Variants in INSIG2 observed in about 807,000 individuals in gnomAD.
INSIG2 encodes insulin-induced gene 2 protein.
INSIG2 carries 10 observed loss-of-function variants against 27.2 expected under a neutral mutation model. That is an observed-to-expected ratio of 0.37 (90% CI 0.23 to 0.62). INSIG2 has a LOEUF of 0.62. INSIG2 is among the 20% of genes least tolerant of loss of function. The pLI is 0.65. For missense variants in INSIG2, 178 were observed against 270.2 expected (o/e 0.66, Z 2.39); for synonymous variants, 97 against 95.8 (o/e 1.01, Z -0.07).
intron 2 of INSIG2, among the ~76,000 whole-genome samples, chr2:118,100,660 G>A (rs1678523196): frequency 6.6e-6 from 1 of 152,118 alleles, no homozygotes; most frequent in Non-Finnish European, 1.5e-5. Context: ...TTACAGGTGT[G>A]AGCCACCACG....
At chr2:118,091,437 G>C (rs13393332) in intron 1 of INSIG2, among the ~76,000 whole-genome samples, 37,399 of 152,134 alleles carry the variant, frequency 0.25, 4,743 homozygotes, top group Middle Eastern at 0.28. Flanking sequence ...TGCTAATAGA[G>C]TGAGAGAATT....
chr2:118,107,611 G>C (rs78786262), intron 5 of INSIG2, among the ~76,000 whole-genome samples: 3 of 152,168 alleles, frequency 2.0e-5, no homozygotes, highest in African/African-American at 2.4e-5. Flanking sequence ...AAAGGAAAAG[G>C]CTAGGGAGTG....
chr2:118,105,892 C>G (rs558694745), intron 3 of INSIG2, among the ~76,000 whole-genome samples: 72 of 152,160 alleles, frequency 4.7e-4, no homozygotes, highest in Non-Finnish European at 8.8e-4. Flanking sequence ...CTTTTAATGA[C>G]ACTTGAAATT....
chr2:118,106,781 T>C lies in INSIG2; in HGVS notation c.414T>C (p.Ala138=), dbSNP rs1337672804. 6.2e-7 allele frequency: 1 copy of C among 1,614,102 alleles called. No homozygotes were observed. Among genetic ancestry groups the C allele is most frequent in the East Asian group, 2.2e-5 (1 of 44,868 alleles). Residue 138 remains alanine, a synonymous_variant, in exon 4 of 6, where the codon GCT becomes GCC. Coordinates refer to ENST00000245787, the MANE Select transcript of INSIG2 (RefSeq NM_016133.4). ...ACATACAGTTGTCTCTCACACTGGC[T>C]GCACTATCCATTGGACTGTGGTGGA... ...DNNIQLSLTL[A]ALSIGLWWTF...
At chr2:118,101,430 A>G (rs2104533389) in intron 2 of INSIG2, among the ~76,000 whole-genome samples, 1 of 152,322 alleles carries the variant, frequency 6.6e-6, no homozygotes, top group Non-Finnish European at 1.5e-5. Context: ...AGTCGATTTT[A>G]CTTATTTATA....
At chr2:118,094,465 C>A (rs770256542) in intron 1 of INSIG2, among the ~76,000 whole-genome samples, 26 of 152,282 alleles carry the variant, frequency 1.7e-4, no homozygotes, top group Non-Finnish European at 3.4e-4. Flanking sequence ...GATTCCACAG[C>A]AAGGAATGGT....
intron 1 of INSIG2, among the ~76,000 whole-genome samples, chr2:118,095,869 A>G (rs1029985153): frequency 3.3e-5 from 5 of 152,130 alleles, no homozygotes; most frequent in African/African-American, 1.2e-4. Flanking sequence ...CTGGTTTTGT[A>G]GAATGTTTTT....
At chr2:118,098,951 C>T (rs1678477471) in intron 2 of INSIG2, among the ~76,000 whole-genome samples, 1 of 152,186 alleles carries the variant, frequency 6.6e-6, no homozygotes, top group Non-Finnish European at 1.5e-5. Flanking sequence ...CCAGCCAATT[C>T]TGCTACCAAT....
chr2:118,101,692 A>G (rs1678549322), intron 2 of INSIG2, among the ~76,000 whole-genome samples: 1 of 152,212 alleles, frequency 6.6e-6, no homozygotes, highest in Non-Finnish European at 1.5e-5. Context: ...TTTTATTTGT[A>G]TAGAAATTTT....
chr2:118,094,266 T>TGATGATGATGAA (rs764673511), intron 1 of INSIG2, among the ~76,000 whole-genome samples: 23 of 127,966 alleles, frequency 1.8e-4, no homozygotes, highest in Non-Finnish European at 3.4e-4. Flanking sequence ...ATGATGATGA[T>TGATGATGATGAA]GAAGGAGAGT....
intron 2 of INSIG2, among the ~76,000 whole-genome samples, chr2:118,101,386 A>C (rs1169338200): frequency 6.6e-6 from 1 of 152,190 alleles, no homozygotes; most frequent in Non-Finnish European, 1.5e-5. Flanking sequence ...GTTGTCTCTC[A>C]CTTGCAAGTC....
rs1185499668 is a variant in INSIG2 at position 118,110,119 on chromosome 2, A to G, written c.*1797A>G. ...ATTAACATATGTGGTTGAAGTTACC[A>G]AGAAACGATGAAAAGAAACTAAATA... On this transcript the variant is annotated 3_prime_UTR_variant, in exon 6 of 6. Transcript: ENST00000245787. 1 of 152,416 alleles carries G rather than the reference A, an allele frequency of 6.6e-6. No homozygotes were observed. The highest frequency in any genetic ancestry group is 1.5e-5 in the Non-Finnish European group (1 of 68,026). The allele number at this position is 152,416 out of a possible 1,614,324, so 9.4% of individuals were successfully genotyped here.
rs1271650186 is a variant in INSIG2, at chr2:118,110,480, TG to T, written c.*2160del. ...GGGGTTGGTCTTGCTGTTGCGGGGG[TG>T]GAAGAAGATGTGCATTATTAGTGGG... On this transcript the variant is annotated 3_prime_UTR_variant, in exon 6 of 6. Coordinates refer to ENST00000245787, the MANE Select transcript of INSIG2 (RefSeq NM_016133.4). 6.6e-6 allele frequency: 1 copy of T among 151,814 alleles called. No homozygotes were observed. The highest frequency in any genetic ancestry group is 1.5e-5 in the Non-Finnish European group (1 of 67,974). The allele number at this position is 151,814 out of a possible 1,614,324, so 9.4% of individuals were successfully genotyped here.
intron 2 of INSIG2, among the ~76,000 whole-genome samples, chr2:118,099,395 G>A (rs1042990603): frequency 1.3e-5 from 2 of 152,184 alleles, no homozygotes; most frequent in Admixed American, 1.3e-4. Flanking sequence ...AAATTTGCTA[G>A]TGGTGGTTCT....
chr2:118,093,288 A>AGAT (rs375383863), intron 1 of INSIG2, among the ~76,000 whole-genome samples: 1 of 36,822 alleles, frequency 2.7e-5, no homozygotes, highest in African/African-American at 1.1e-4. Context: ...GAAAGCAACC[A>AGAT]GATGATGATG....
At chr2:118,096,931 G>T (rs537050662) in intron 2 of INSIG2, 131 bp downstream of exon 2, 7 of 1,008,750 alleles carry the variant, frequency 6.9e-6, no homozygotes, top group Non-Finnish European at 8.4e-6. Flanking sequence ...TAATACACTG[G>T]ACCCGTTTGA....
chr2:118,092,524 C>G (rs1364671931), intron 1 of INSIG2, among the ~76,000 whole-genome samples: 1 of 151,976 alleles, frequency 6.6e-6, no homozygotes, highest in African/African-American at 2.4e-5. Context: ...TTATATAGAA[C>G]CATCTGCCGA....
chr2:118,099,647 C>T (rs1442232749), intron 2 of INSIG2, among the ~76,000 whole-genome samples: 1 of 152,170 alleles, frequency 6.6e-6, no homozygotes, highest in African/African-American at 2.4e-5. Context: ...CCTCAAAAAT[C>T]ACAAGTAGCC....
At chr2:118,092,219 A>C (rs1678270261) in intron 1 of INSIG2, among the ~76,000 whole-genome samples, 1 of 152,236 alleles carries the variant, frequency 6.6e-6, no homozygotes, top group Non-Finnish European at 1.5e-5. Flanking sequence ...ATCTTCTAGC[A>C]GCTGTTAGCA....
Sources: allele counts gnomAD v4.1 joint callset (sites outside exome capture counted in the v4.1 genomes callset), GRCh38; gene constraint gnomAD v4.1.1; transcripts MANE v1.5; gene names NCBI Gene and HGNC (gene_info 2026-07-23, HGNC 2026-07-21).